The following FTO variants were observed in gnomAD, a reference collection of about 807,000 sequenced individuals.
FTO encodes alpha-ketoglutarate-dependent dioxygenase FTO.
FTO carries 47 observed loss-of-function variants against 63.9 expected under a neutral mutation model. That is an observed-to-expected ratio of 0.74 (90% confidence interval 0.58 to 0.94). The LOEUF (loss-of-function observed/expected upper bound fraction) is 0.94. Among genes scored for constraint, FTO ranks in the 40% least tolerant of loss-of-function variants. FTO has a pLI of 0.00. For synonymous variants in FTO, 207 were observed against 224.4 expected (o/e 0.92, Z 0.69); for missense variants, 562 against 618.1 (o/e 0.91, Z 0.96).
intron 1 of FTO, among the ~76,000 whole-genome samples, chr16:53,755,496 C>T (rs541301085): frequency 6.6e-6 from 1 of 152,228 alleles, no homozygotes; most frequent in African/African-American, 2.4e-5. Flanking sequence ...TTCGGTGGCT[C>T]TTCAGTTTGG....
chr16:53,857,462 C>A lies in FTO; in HGVS notation c.895+13164C>A, dbSNP rs1371603257. ...CTGGTCTCTCTCTCTCTCTCTCTCT[C>A]TCTCTTTCTATATATATATAGGAAG... On this transcript the variant is annotated intron_variant, in intron 4 of 8. Coordinates refer to ENST00000471389, the MANE Select transcript of FTO (RefSeq NM_001080432.3). Among the ~76,000 whole-genome samples, 26 of 150,402 alleles carry A rather than the reference C, an allele frequency of 1.7e-4. No homozygotes were observed. The South Asian group carries it at 2.9e-3, about 17-fold the overall frequency.
chr16:53,708,980 T>C (rs951904536), intron 1 of FTO, among the ~76,000 whole-genome samples: 3 of 152,218 alleles, frequency 2.0e-5, no homozygotes, highest in African/African-American at 7.2e-5. Flanking sequence ...GGTTACTTAA[T>C]AGTTTTTAAG....
At chr16:53,745,666 TC>T (rs2151553318) in intron 1 of FTO, among the ~76,000 whole-genome samples, 1 of 152,286 alleles carries the variant, frequency 6.6e-6, no homozygotes, top group South Asian at 2.1e-4. Flanking sequence ...ATGGTCAGGG[TC>T]TTTTGTCAAA....
At chr16:54,073,417 T>C (rs1287419049) in intron 8 of FTO, among the ~76,000 whole-genome samples, 1 of 152,170 alleles carries the variant, frequency 6.6e-6, no homozygotes, top group Non-Finnish European at 1.5e-5. Flanking sequence ...TCAGCAAGTT[T>C]ATAATGGTCT....
intron 8 of FTO, among the ~76,000 whole-genome samples, chr16:53,971,372 A>G (rs543781029): frequency 6.6e-6 from 1 of 152,328 alleles, no homozygotes; most frequent in East Asian, 1.9e-4. Flanking sequence ...AAAGCGTTGC[A>G]CCAATTTACA....
intron 4 of FTO, among the ~76,000 whole-genome samples, chr16:53,872,083 G>A (rs1279930711): frequency 1.3e-5 from 2 of 152,152 alleles, no homozygotes; most frequent in African/African-American, 4.8e-5. Context: ...GACTAGAGCA[G>A]CCTTTAACCT....
chr16:53,930,073 G>A (rs745415197), intron 7 of FTO, among the ~76,000 whole-genome samples: 1 of 151,996 alleles, frequency 6.6e-6, no homozygotes, highest in South Asian at 2.1e-4. Flanking sequence ...ATTTAAATCT[G>A]CTGCATCGTT....
chr16:54,085,049 T>C (rs1317758126), intron 8 of FTO, among the ~76,000 whole-genome samples: 1 of 110,484 alleles, frequency 9.1e-6, no homozygotes, highest in Non-Finnish European at 2.2e-5. Context: ...GGTGCCTTAC[T>C]TACTGCTCCC....
In FTO at chr16:54,117,168, A is replaced by G. The variant is rs1427342062; in HGVS notation, c.*5253A>G. The G allele has an allele frequency of 6.6e-6, 1 of 152,188 alleles. No individual in the cohort carries two copies. The highest frequency in any genetic ancestry group is 1.5e-5 in the Non-Finnish European group (1 of 68,040). The allele number at this position is 152,188 out of a possible 1,614,324, so 9.4% of individuals were successfully genotyped here. On this transcript the variant is annotated 3_prime_UTR_variant, in exon 9 of 9. Coordinates refer to ENST00000471389, the MANE Select transcript of FTO (RefSeq NM_001080432.3). ...TGATTCTCACTCTACCACCTCTTCA[A>G]ACCTTTGTTGTCTTATCTACAAAAT...
intron 1 of FTO, among the ~76,000 whole-genome samples, chr16:53,738,084 GGCGTGATCTCA>G (rs1230277712): frequency 7.1e-6 from 1 of 139,924 alleles, no homozygotes; most frequent in South Asian, 2.2e-4. Context: ...GGAGTGCAAT[GGCGTGATCTCA>G]GCTCACAGCA....
At chr16:53,885,666 T>G (rs569030442) in intron 6 of FTO, among the ~76,000 whole-genome samples, 2 of 152,198 alleles carry the variant, frequency 1.3e-5, no homozygotes, top group Non-Finnish European at 2.9e-5. Flanking sequence ...GCCTAACAGA[T>G]AGTAGGCAGT....
chr16:53,963,633 C>T (rs1043416171), intron 8 of FTO, among the ~76,000 whole-genome samples: 5 of 152,182 alleles, frequency 3.3e-5, no homozygotes, highest in South Asian at 2.1e-4. Flanking sequence ...GATCTGGCCA[C>T]GTGACGTGCC....
At chr16:54,005,669 G>A (rs996062682) in intron 8 of FTO, among the ~76,000 whole-genome samples, 3 of 152,144 alleles carry the variant, frequency 2.0e-5, no homozygotes, top group Non-Finnish European at 2.9e-5. Flanking sequence ...GATTCATGAA[G>A]TATTTATCAA....
At chr16:54,034,593 A>C (rs1263395962) in intron 8 of FTO, among the ~76,000 whole-genome samples, 1 of 152,186 alleles carries the variant, frequency 6.6e-6, no homozygotes, top group African/African-American at 2.4e-5. Flanking sequence ...TGAGCTTTTG[A>C]GACCAATAGG....
chr16:54,003,707 A>G (rs1358832704), intron 8 of FTO, among the ~76,000 whole-genome samples: 1 of 152,188 alleles, frequency 6.6e-6, no homozygotes, highest in Non-Finnish European at 1.5e-5. Flanking sequence ...TATCATAGAA[A>G]TAGTTTAGGT....
intron 3 of FTO, 29 bp downstream of exon 3, chr16:53,826,520 C>CT (rs2079010674): frequency 6.2e-7 from 1 of 1,610,552 alleles, no homozygotes; most frequent in Admixed American, 1.7e-5. Context: ...AAAAGCAGCC[C>CT]TGTATGTAAT....
intron 7 of FTO, among the ~76,000 whole-genome samples, chr16:53,903,415 C>T (rs903644700): frequency 6.6e-6 from 1 of 152,058 alleles, no homozygotes; most frequent in Admixed American, 6.5e-5. Flanking sequence ...CTCGCCACCA[C>T]ACCAAGCTAA....
chr16:53,727,066 TTCTTTCTC>T (rs1483006150), intron 1 of FTO, among the ~76,000 whole-genome samples: 1 of 152,244 alleles, frequency 6.6e-6, no homozygotes, highest in Non-Finnish European at 1.5e-5. Flanking sequence ...TTTTCTTTCT[TTCTTTCTC>T]TCTTTCTCTT....
chr16:53,705,995 T>C (rs959666963), intron 1 of FTO, among the ~76,000 whole-genome samples: 10 of 152,184 alleles, frequency 6.6e-5, no homozygotes, highest in African/African-American at 2.4e-4. Flanking sequence ...CTGAGACTTG[T>C]AGGTAAATCG....
Sources: allele counts gnomAD v4.1 joint callset (sites outside exome capture counted in the v4.1 genomes callset), GRCh38; gene constraint gnomAD v4.1.1; transcripts MANE v1.5; gene names NCBI Gene and HGNC (gene_info 2026-07-23, HGNC 2026-07-21).